Variants in SLC8A2 observed in about 807,000 individuals in gnomAD.
The protein encoded by SLC8A2 is sodium/calcium exchanger 2.
A neutral mutation model predicts 70.2 loss-of-function variants in SLC8A2; 14 were observed. The observed-to-expected ratio is 0.20, with a 90% CI of 0.13 to 0.31. The LOEUF is 0.31. Among genes scored for constraint, SLC8A2 ranks in the 10% least tolerant of loss-of-function variants. SLC8A2 has a pLI of 1.00. For synonymous variants in SLC8A2, 575 were observed against 594.3 expected (o/e 0.97, Z 0.47); for missense variants, 779 against 1,320.1 (o/e 0.59, Z 6.35).
intron 3 of SLC8A2, among the ~76,000 whole-genome samples, chr19:47,452,445 AGTGTGTGTGTGTGT>A (rs1158828688): frequency 7.4e-5 from 4 of 54,062 alleles, no homozygotes; most frequent in East Asian, 5.8e-4. Flanking sequence ...AGAGAGAGAG[AGTGTGTGTGTGTGT>A]GTGTGTGTGT....
intron 2 of SLC8A2, among the ~76,000 whole-genome samples, chr19:47,462,600 T>C: frequency 6.7e-6 from 1 of 149,958 alleles, no homozygotes; most frequent in East Asian, 1.9e-4. Context: ...TTTTTTTTTT[T>C]TTTCTGAGAT....
chr19:47,429,881 G>T lies in SLC8A2; in HGVS notation c.*208C>A. On this transcript the variant is annotated 3_prime_UTR_variant, in exon 10 of 10. Transcript: ENST00000236877. Reference sequence around the variant, plus strand: ...TTGGGGTCACCGCAGGGGAGGAACCGGGGAGGCTCCCGAGAGGAAGAGGGA... The same window carrying T: ...TTGGGGTCACCGCAGGGGAGGAACCTGGGAGGCTCCCGAGAGGAAGAGGGA... The T allele has an allele frequency of 1.7e-6, 1 of 605,144 alleles. No individual in the cohort carries two copies. Among genetic ancestry groups the T allele is most frequent in the African/African-American group, 1.9e-5 (1 of 53,820 alleles). The allele number at this position is 605,144 out of a possible 1,614,324, so 37.5% of individuals were successfully genotyped here. A position where few individuals can be genotyped will look rare whatever the true frequency, so the allele number is the denominator to read the frequency against.
chr19:47,447,929 C>A lies in SLC8A2; in HGVS notation c.1643G>T (p.Ser548Ile). ...MGTVDVRVVR[S>I]SGARGTVRLP... is the part of the protein sequence containing the mutation. ...GCGCACGGTGCCGCGCGCGCCCGAGCTGCGCACGACGCGCACGTCCACGGT... is the reference window on the plus strand; with the variant it reads ...GCGCACGGTGCCGCGCGCGCCCGAGATGCGCACGACGCGCACGTCCACGGT... Residue 548 changes from serine (S) to isoleucine (I), a missense_variant, in exon 4 of 10, where the codon AGC becomes ATC. Ser to Ile is a moderately radical substitution (Grantham distance 142). Around this residue, in one of 6 missense-constraint regions of SLC8A2, gnomAD observed 247 missense variants for 362.8 expected, o/e 0.68. Transcript: ENST00000236877. The surrounding 1 kb of genome is among the most constrained non-coding windows in gnomAD (Gnocchi z 5.1). 2 of 1,564,292 alleles carry A rather than the reference C, an allele frequency of 1.3e-6. No homozygotes were observed. The highest frequency in any genetic ancestry group is 1.7e-6 in the Non-Finnish European group (2 of 1,154,962).
chr19:47,453,958 C>A (rs772431519), intron 3 of SLC8A2, among the ~76,000 whole-genome samples: 1 of 151,912 alleles, frequency 6.6e-6, no homozygotes, highest in African/African-American at 2.4e-5. Flanking sequence ...CCAGCCTGGG[C>A]AACATGGCAA....
At chr19:47,464,829 C>T (rs560334297) in intron 2 of SLC8A2, among the ~76,000 whole-genome samples, 12 of 152,240 alleles carry the variant, frequency 7.9e-5, no homozygotes, top group East Asian at 5.8e-4. Flanking sequence ...GAGGCAGTCA[C>T]GGGGTTGTGG....
chr19:47,467,037 A>G (rs1252816647), intron 1 of SLC8A2, among the ~76,000 whole-genome samples: 4 of 152,184 alleles, frequency 2.6e-5, no homozygotes, highest in Non-Finnish European at 5.9e-5. Flanking sequence ...AGCCTGGGTG[A>G]CAGAGTGAGA....
intron 2 of SLC8A2, among the ~76,000 whole-genome samples, chr19:47,461,810 G>A (rs1967398737): frequency 6.6e-6 from 1 of 152,140 alleles, no homozygotes; most frequent in African/African-American, 2.4e-5. Flanking sequence ...CTTCCTCCCT[G>A]CAGGTCAATA....
At chr19:47,439,089 A>G (rs1402392092) in intron 6 of SLC8A2, among the ~76,000 whole-genome samples, 2 of 152,214 alleles carry the variant, frequency 1.3e-5, no homozygotes, top group Admixed American at 6.5e-5. Flanking sequence ...AAAACCTCCC[A>G]TGTGAGCCTC....
intron 4 of SLC8A2, among the ~76,000 whole-genome samples, chr19:47,445,107 TCG>T (rs1967144387): frequency 1.7e-5 from 1 of 57,904 alleles, no homozygotes; most frequent in Non-Finnish European, 3.3e-5. Flanking sequence ...TTCCTTTTTT[TCG>T]GGGGTGGGGT....
At chr19:47,451,048 G>A (rs1010487647) in intron 3 of SLC8A2, among the ~76,000 whole-genome samples, 1 of 120,394 alleles carries the variant, frequency 8.3e-6, no homozygotes, top group African/African-American at 3.2e-5. Context: ...TCACCCTGTC[G>A]CCCAGGCTGG....
chr19:47,471,237 G>C (rs531786912), intron 1 of SLC8A2, among the ~76,000 whole-genome samples: 3 of 151,910 alleles, frequency 2.0e-5, no homozygotes, highest in Admixed American at 2.0e-4. Context: ...ACAAGGGAGA[G>C]AGGCAGAGAC....
intron 7 of SLC8A2, 118 bp from the exon 8 acceptor site, chr19:47,437,679 C>A: frequency 8.7e-7 from 1 of 1,152,304 alleles, no homozygotes; most frequent in Non-Finnish European, 1.3e-6. Context: ...CTTTCCACAC[C>A]CCCGTTCTGA....
At chr19:47,467,485 G>A (rs1466945082) in intron 1 of SLC8A2, among the ~76,000 whole-genome samples, 1 of 152,112 alleles carries the variant, frequency 6.6e-6, no homozygotes, top group Admixed American at 6.5e-5. Context: ...GGTGGTAGCA[G>A]GCATCAGTCT....
chr19:47,438,417 C>T (rs978035488), intron 6 of SLC8A2, among the ~76,000 whole-genome samples: 6 of 152,084 alleles, frequency 3.9e-5, no homozygotes, highest in African/African-American at 9.7e-5. Flanking sequence ...TTATCATCAT[C>T]GTTGCCACCC....
In SLC8A2 at chr19:47,432,675, A is replaced by G. The variant is rs1401643433; in HGVS notation, c.2111-230T>C. The G allele has an allele frequency of 8.5e-6, 4 of 470,100 alleles. No individual in the cohort carries two copies. The East Asian group carries it at 1.4e-4, about 16-fold the overall frequency. 29.1% of individuals were successfully genotyped at this position (470,100 alleles called of 1,614,324 possible). On this transcript the variant is annotated intron_variant, in intron 8 of 9. Coordinates refer to ENST00000236877, the MANE Select transcript of SLC8A2 (RefSeq NM_015063.3). This position sits in a 1 kb window ranked among gnomAD's most constrained non-coding sequence, Gnocchi z 6.2. ...GGTGAAAAATATTTACTTTCCCAGA[A>G]TCCTTTGGATCTAAATATGGCTAAG...
At position 47,448,431 on chromosome 19, in the gene SLC8A2, G is replaced by A. The variant is rs1039607470; in HGVS notation, c.1341-200C>T. Among the ~76,000 whole-genome samples the A allele has an allele frequency of 8.5e-5, 13 of 152,144 alleles. No homozygotes were observed. Among genetic ancestry groups the A allele is most frequent in the African/African-American group, 1.2e-4 (5 of 41,432 alleles). On this transcript the variant is annotated intron_variant, in intron 3 of 9. Transcript: ENST00000236877. This position sits in a 1 kb window ranked among gnomAD's most constrained non-coding sequence, Gnocchi z 4.8. ...CGTCCTGGAGGAAGGGCTGCAGAGC[G>A]GGAACAAGACAGAGTGGGCCCCTCC...
chr19:47,460,707 A>G (rs1179129889), intron 2 of SLC8A2, among the ~76,000 whole-genome samples: 1 of 150,468 alleles, frequency 6.6e-6, no homozygotes, highest in African/African-American at 2.5e-5. Context: ...AAAAAAAAAA[A>G]AGAAAGAAAA....
intron 6 of SLC8A2, among the ~76,000 whole-genome samples, chr19:47,439,739 C>A (rs887519930): frequency 6.6e-6 from 1 of 151,714 alleles, no homozygotes; most frequent in African/African-American, 2.4e-5. Context: ...TCTCGGCTCA[C>A]TGCAACCTCC....
intron 6 of SLC8A2, among the ~76,000 whole-genome samples, chr19:47,440,654 C>T (rs774229498): frequency 1.5e-4 from 23 of 151,950 alleles, no homozygotes; most frequent in Non-Finnish European, 2.8e-4. Context: ...TGCAATGGCG[C>T]GATCTCGGCT....
Sources: gnomAD v4.1 joint callset for allele counts (sites outside exome capture counted in the v4.1 genomes callset) on GRCh38, gnomAD v4.1.1 for gene constraint, gnomAD v4.1.1 regional missense constraint, Gnocchi (gnomAD v3.1) non-coding constraint, MANE v1.5 for transcripts, NCBI Gene and HGNC (gene_info 2026-07-23, HGNC 2026-07-21) for gene names.